Variants in ITGB3 observed in about 807,000 individuals in gnomAD.
ITGB3 encodes integrin beta-3.
A neutral mutation model predicts 85.8 loss-of-function variants in ITGB3; 48 were observed. That is an observed-to-expected ratio of 0.56 (90% CI 0.44 to 0.71). ITGB3 has a LOEUF of 0.71. Among genes scored for constraint, ITGB3 ranks in the 30% least tolerant of loss-of-function variants. The pLI is 0.00. For synonymous variants in ITGB3, 363 were observed against 395.6 expected (o/e 0.92, Z 0.98); for missense variants, 861 against 1,019.1 (o/e 0.84, Z 2.11).
intron 11 of ITGB3, 126 bp from the exon 12 acceptor site, chr17:47,300,342 CGCGCGTGTGT>C: frequency 2.9e-6 from 2 of 696,470 alleles, no homozygotes; most frequent in African/African-American, 3.9e-5. Context: ...CAGGCGCGCG[CGCGCGTGTGT>C]GTGTGTGTGT....
rs901971447 is a variant in ITGB3 at position 47,311,654 on chromosome 17, G to C, written c.*1450G>C. On this transcript the variant is annotated 3_prime_UTR_variant, in exon 15 of 15. Transcript: ENST00000559488. ...GGCTCTCTCATGATAGAAGGCTATG[G>C]GGATAGATGTGTGGACACATTGGAC... 6.6e-6 allele frequency: 1 copy of C among 152,176 alleles called. No homozygotes were observed. The highest frequency in any genetic ancestry group is 2.4e-5 in the African/African-American group (1 of 41,424). 9.4% of individuals were successfully genotyped at this position (152,176 alleles called of 1,614,324 possible). A position where few individuals can be genotyped will look rare whatever the true frequency, so the allele number is the denominator to read the frequency against.
intron 2 of ITGB3, 110 bp from the exon 3 acceptor site, chr17:47,283,244 C>T (rs1048050512): frequency 3.0e-6 from 3 of 1,014,364 alleles, no homozygotes; most frequent in Non-Finnish European, 4.6e-6. Context: ...TGTTTATGCT[C>T]CAATGTACGG....
chr17:47,293,199 G>A (rs1279393266), intron 10 of ITGB3, among the ~76,000 whole-genome samples: 1 of 152,176 alleles, frequency 6.6e-6, no homozygotes, highest in Non-Finnish European at 1.5e-5. Flanking sequence ...AGTCCCTGCT[G>A]ACAGATTGGG....
intron 1 of ITGB3, among the ~76,000 whole-genome samples, chr17:47,272,231 A>AT (rs1598683445): frequency 6.8e-6 from 1 of 148,036 alleles, no homozygotes; most frequent in East Asian, 2.0e-4. Flanking sequence ...AATTTTTTGT[A>AT]TTTTAGTAGA....
intron 5 of ITGB3, 100 bp from the exon 6 acceptor site, chr17:47,286,970 C>T: frequency 8.1e-7 from 1 of 1,230,516 alleles, no homozygotes; most frequent in Admixed American, 1.8e-5. Context: ...AGCTGTCCAG[C>T]CCTTTAGCCA....
Position 47,253,928 on chromosome 17 carries a change from G to A in ITGB3, c.67G>A (p.Val23Ile). The part of the protein sequence containing the change: ...TVLALGALAG[V>I]GVGGPNICTT... ...GCTGGCGCTGGGGGCGCTGGCGGGC[G>A]TTGGCGTAGGAGGTGAGTGAGGCTC... The change falls in exon 1 of 15, where the codon GTT (valine) becomes ATT (isoleucine). Residue 23 changes from valine (V) to isoleucine (I), a missense_variant. Physicochemically the swap from Val to Ile is conservative, Grantham distance 29. Transcript: ENST00000559488. 1 of 1,417,106 alleles carries A rather than the reference G, an allele frequency of 7.1e-7. No individual in the cohort carries two copies. Among genetic ancestry groups the A allele is most frequent in the Non-Finnish European group, 9.3e-7 (1 of 1,079,510 alleles). The allele number at this position is 1,417,106 out of a possible 1,614,324, so 87.8% of individuals were successfully genotyped here.
rs16941793 is a variant in ITGB3, at chr17:47,273,682, C to G, written c.80-737C>G. Reference sequence around the variant, plus strand: ...ATCCTGAGAGACAGATATTGTCATCCCATAGAGGCTAGTTGAGTTGCCCAA... The same window carrying G: ...ATCCTGAGAGACAGATATTGTCATCGCATAGAGGCTAGTTGAGTTGCCCAA... On this transcript the variant is annotated intron_variant, in intron 1 of 14. Transcript: ENST00000559488. Among the ~76,000 whole-genome samples, 385 of 152,286 alleles carry G rather than the reference C, an allele frequency of 2.5e-3. 9 individuals are homozygous for G. The East Asian group carries it at 0.063, about 25-fold the overall frequency.
At chr17:47,277,518 AG>A (rs1302599643) in intron 2 of ITGB3, among the ~76,000 whole-genome samples, 1 of 152,192 alleles carries the variant, frequency 6.6e-6, no homozygotes, top group African/African-American at 2.4e-5. Context: ...TTGAGGCAAT[AG>A]TGCACCATGA....
chr17:47,254,229 G>A (rs955810910), intron 1 of ITGB3, among the ~76,000 whole-genome samples: 1 of 152,018 alleles, frequency 6.6e-6, no homozygotes, highest in African/African-American at 2.4e-5. Flanking sequence ...TGCGGTGGGC[G>A]CATCTCTGAG....
At chr17:47,266,098 A>G (rs1037882981) in intron 1 of ITGB3, among the ~76,000 whole-genome samples, 1 of 151,528 alleles carries the variant, frequency 6.6e-6, no homozygotes, top group African/African-American at 2.4e-5. Context: ...TTTTTTTTTC[A>G]TGAGTCACAT....
chr17:47,290,878 G>A, intron 8 of ITGB3, 76 bp from the exon 9 acceptor site: 2 of 1,570,444 alleles, frequency 1.3e-6, no homozygotes, highest in Non-Finnish European at 8.7e-7. Flanking sequence ...ATTTGGCTTG[G>A]GATGGAACTG....
Position 47,307,534 on chromosome 17 carries a change from T to A in ITGB3, c.2198T>A (p.Ile733Asn). Residue 733 changes from isoleucine to asparagine, a missense_variant, in exon 14 of 15, where the codon ATT (isoleucine) becomes AAT (asparagine). Coordinates refer to ENST00000559488, the MANE Select transcript of ITGB3 (RefSeq NM_000212.3). ...LLSVMGAILL[I>N]GLAALLIWKL... The stretch of plus-strand genomic sequence containing the variant: ...TCAGTGATGGGGGCCATTCTGCTCA[T>A]TGGCCTTGCCGCCCTGCTCATCTGG... The A allele has an allele frequency of 1.2e-6, 2 of 1,614,174 alleles. No individual in the cohort carries two copies. The highest frequency in any genetic ancestry group is 1.7e-6 in the Non-Finnish European group (2 of 1,180,020).
chr17:47,293,616 T>C (rs2065135395), intron 10 of ITGB3, among the ~76,000 whole-genome samples: 1 of 137,814 alleles, frequency 7.3e-6, no homozygotes, highest in African/African-American at 2.6e-5. Flanking sequence ...ATTGGGGTTC[T>C]TTTTTTTTTT....
At chr17:47,281,788 C>T (rs528942187) in intron 2 of ITGB3, among the ~76,000 whole-genome samples, 6 of 152,290 alleles carry the variant, frequency 3.9e-5, no homozygotes, top group African/African-American at 1.4e-4. Context: ...CTTACATTTG[C>T]TGAGGACTTC....
intron 6 of ITGB3, among the ~76,000 whole-genome samples, chr17:47,287,989 A>G (rs897778041): frequency 6.6e-5 from 9 of 135,550 alleles, no homozygotes; most frequent in Admixed American, 2.5e-4. Context: ...CAGTAGTGCA[A>G]TCTTGGCTCA....
intron 13 of ITGB3, among the ~76,000 whole-genome samples, chr17:47,304,016 C>G (rs2065177407): frequency 6.6e-6 from 1 of 152,048 alleles, no homozygotes; most frequent in Non-Finnish European, 1.5e-5. Flanking sequence ...CCCAGCCTCC[C>G]TGGGACTACA....
intron 10 of ITGB3, among the ~76,000 whole-genome samples, chr17:47,297,809 G>A (rs888328962): frequency 6.7e-6 from 1 of 149,632 alleles, no homozygotes; most frequent in African/African-American, 2.5e-5. Context: ...TTGAGCCCAG[G>A]AGTTTGAAGT....
At chr17:47,297,580 C>G (rs185754808) in intron 10 of ITGB3, among the ~76,000 whole-genome samples, 1 of 151,956 alleles carries the variant, frequency 6.6e-6, no homozygotes, top group African/African-American at 2.4e-5. Flanking sequence ...CGCTTGAACA[C>G]GGGAGGTGGG....
intron 1 of ITGB3, among the ~76,000 whole-genome samples, chr17:47,258,511 A>G (rs976620186): frequency 6.6e-6 from 1 of 151,668 alleles, no homozygotes; most frequent in African/African-American, 2.4e-5. Context: ...ATACAGTTCT[A>G]TGAATTTTGA....
Sources: allele counts gnomAD v4.1 joint callset (sites outside exome capture counted in the v4.1 genomes callset), GRCh38; gene constraint gnomAD v4.1.1; transcripts MANE v1.5; gene names NCBI Gene and HGNC (gene_info 2026-07-23, HGNC 2026-07-21).